Variants in KANK4 observed in about 807,000 individuals in gnomAD.
KANK4 encodes the protein KN motif and ankyrin repeat domains 4.
In KANK4, 50 loss-of-function variants were observed where a neutral mutation model predicts 80.8. That is an observed-to-expected ratio of 0.62 (90% CI 0.49 to 0.78). The LOEUF is 0.78. KANK4 is among the 30% of genes least tolerant of loss of function. KANK4 has a pLI of 0.00. For synonymous variants in KANK4, 465 were observed against 506.9 expected (o/e 0.92, Z 1.11); for missense variants, 1,196 against 1,240.1 (o/e 0.96, Z 0.53).
intron 7 of KANK4, among the ~76,000 whole-genome samples, chr1:62,262,579 A>T (rs779576333): frequency 1.3e-5 from 2 of 152,102 alleles, no homozygotes; most frequent in Non-Finnish European, 2.9e-5. Context: ...TATATATAAA[A>T]AATAAATATA....
At position 62,273,226 on chromosome 1, in the gene KANK4, G is replaced by T. The variant is rs1187855234; in HGVS notation, c.1878C>A (p.Ala626=). 4.6e-6 allele frequency: 7 copies of T among 1,515,242 alleles called. No homozygotes were observed. In the Admixed American group the frequency reaches 1.1e-4, roughly 24 times the overall value. The allele number at this position is 1,515,242 out of a possible 1,614,324, so 93.9% of individuals were successfully genotyped here. ...AQAHPPKEPP[A]SSSSPPVEIS... is the part of the protein sequence containing the mutation. ...TACCCACTGGCGGGGAGGAGGAGGA[G>T]GCCGGTGGCTCCTTGGGTGGGTGAG... The change falls in exon 3 of 10, where the codon GCC becomes GCA. Residue 626 remains alanine (A), a synonymous_variant. Transcript: ENST00000371153.
At chr1:62,268,144 A>G (rs1442999311) in intron 5 of KANK4, 143 bp downstream of exon 5, 4 of 711,082 alleles carry the variant, frequency 5.6e-6, no homozygotes, top group Non-Finnish European at 9.9e-6. Context: ...ACCAGTGCAC[A>G]GTGTGGGCAT....
chr1:62,314,551 C>G (rs1052442908), intron 1 of KANK4, among the ~76,000 whole-genome samples: 1 of 152,028 alleles, frequency 6.6e-6, no homozygotes, highest in African/African-American at 2.4e-5. Flanking sequence ...GCTCTTTTAT[C>G]CTTGTGTGGA....
intron 2 of KANK4, among the ~76,000 whole-genome samples, chr1:62,276,569 AG>A (rs1294833243): frequency 2.0e-5 from 3 of 152,136 alleles, no homozygotes; most frequent in African/African-American, 7.2e-5. Context: ...TGAGGTCAGG[AG>A]TTCGAGACCA....
At chr1:62,282,049 AT>A (rs1672462681) in intron 1 of KANK4, among the ~76,000 whole-genome samples, 2 of 152,178 alleles carry the variant, frequency 1.3e-5, no homozygotes, top group African/African-American at 4.8e-5. Context: ...GAAGGGACTT[AT>A]AATCCACTTT....
intron 2 of KANK4, among the ~76,000 whole-genome samples, chr1:62,277,984 T>G (rs190904505): frequency 6.6e-6 from 1 of 152,172 alleles, no homozygotes; most frequent in Admixed American, 6.5e-5. Flanking sequence ...ATGCAGCTGA[T>G]ATGGCCAGTA....
intron 7 of KANK4, among the ~76,000 whole-genome samples, chr1:62,258,083 G>A (rs1431564569): frequency 2.0e-5 from 3 of 152,216 alleles, no homozygotes; most frequent in Non-Finnish European, 2.9e-5. Flanking sequence ...GAGACTGATC[G>A]ATCTTGGTTT....
chr1:62,311,042 A>C (rs1644493567), intron 1 of KANK4, among the ~76,000 whole-genome samples: 1 of 152,022 alleles, frequency 6.6e-6, no homozygotes, highest in Non-Finnish European at 1.5e-5. Flanking sequence ...AGGGGAAGGA[A>C]CTGGCGTGAG....
chr1:62,304,912 G>A (rs553004374), intron 1 of KANK4, among the ~76,000 whole-genome samples: 1 of 152,180 alleles, frequency 6.6e-6, no homozygotes, highest in South Asian at 2.1e-4. Flanking sequence ...TACCACTACT[G>A]TCCTAAGTCT....
At chr1:62,257,046 C>G (rs1329743159) in intron 7 of KANK4, among the ~76,000 whole-genome samples, 2 of 152,092 alleles carry the variant, frequency 1.3e-5, no homozygotes, top group Admixed American at 6.6e-5. Context: ...CTCAGGGGCT[C>G]AGGAAAGGGA....
intron 1 of KANK4, among the ~76,000 whole-genome samples, chr1:62,290,419 C>T (rs1384514882): frequency 6.6e-6 from 1 of 152,158 alleles, no homozygotes; most frequent in Non-Finnish European, 1.5e-5. Flanking sequence ...TAAGACAGGC[C>T]AGGTTCAAAT....
At chr1:62,244,385 AG>A (rs1203788465) in intron 9 of KANK4, among the ~76,000 whole-genome samples, 1 of 151,816 alleles carries the variant, frequency 6.6e-6, no homozygotes, top group Non-Finnish European at 1.5e-5. Context: ...TTCTGTAGAG[AG>A]GGGGTGATAT....
Position 62,274,699 on chromosome 1 carries a change from C to T in KANK4, c.405G>A (p.Glu135=), listed in dbSNP as rs1557490493. ...VSYHRKALLA[E]ATRQLEAAEP... ...CAGCAGCTTCCAACTGTCTGGTGGC[C>T]TCTGCCAACAGAGCCTTCCTGTGGT... The change falls in exon 3 of 10, where the codon GAG becomes GAA. Residue 135 remains glutamate (E), a synonymous_variant. Transcript: ENST00000371153. 6.2e-7 allele frequency: 1 copy of T among 1,614,200 alleles called. No individual in the cohort carries two copies. Among genetic ancestry groups the T allele is most frequent in the East Asian group, 2.2e-5 (1 of 44,874 alleles).
chr1:62,273,101 T>C, intron 3 of KANK4, 103 bp downstream of exon 3: 1 of 873,716 alleles, frequency 1.1e-6, no homozygotes, highest in Non-Finnish European at 1.7e-6. Flanking sequence ...GCTAAAATCT[T>C]TTTAAAAACA....
Position 62,238,161 on chromosome 1 carries a change from T to C in KANK4, c.*116A>G, listed in dbSNP as rs779338939. On this transcript the variant is annotated 3_prime_UTR_variant, in exon 10 of 10. Coordinates refer to ENST00000371153, the MANE Select transcript of KANK4 (RefSeq NM_181712.5). The stretch of plus-strand genomic sequence containing the variant: ...CAGGAATGTATGTGCATATTTGACA[T>C]AGTTTCTTCTCTAGAAGGGTGGCTC... The C allele has an allele frequency of 6.2e-6, 4 of 648,410 alleles. No homozygotes were observed. The highest frequency in any genetic ancestry group is 1.8e-5 in the African/African-American group (1 of 54,836). The allele number at this position is 648,410 out of a possible 1,614,324, so 40.2% of individuals were successfully genotyped here. A position where few individuals can be genotyped will look rare whatever the true frequency, so the allele number is the denominator to read the frequency against.
chr1:62,273,134 G>T (rs1672204309), intron 3 of KANK4, 70 bp downstream of exon 3: 1 of 1,106,914 alleles, frequency 9.0e-7, no homozygotes, highest in Non-Finnish European at 1.3e-6. Flanking sequence ...TGAAAACCTT[G>T]TTCCCTCTGC....
chr1:62,283,758 A>G (rs1295279823), intron 1 of KANK4, among the ~76,000 whole-genome samples: 1 of 151,618 alleles, frequency 6.6e-6, no homozygotes, highest in East Asian at 1.9e-4. Flanking sequence ...GGCTTCACAA[A>G]CTCTCATCAT....
intron 4 of KANK4, among the ~76,000 whole-genome samples, chr1:62,269,979 C>T (rs1484841377): frequency 1.3e-5 from 2 of 152,192 alleles, no homozygotes; most frequent in African/African-American, 2.4e-5. Flanking sequence ...TTTAAAAGCT[C>T]CCCTGGTGTT....
chr1:62,248,096 C>G (rs1048174696), intron 8 of KANK4, among the ~76,000 whole-genome samples: 2 of 152,090 alleles, frequency 1.3e-5, no homozygotes, highest in African/African-American at 4.8e-5. Flanking sequence ...CTTCTTACTG[C>G]CTGCCCCAGC....
Sources: gnomAD v4.1 joint callset for allele counts (sites outside exome capture counted in the v4.1 genomes callset) on GRCh38, gnomAD v4.1.1 for gene constraint, MANE v1.5 for transcripts, NCBI Gene and HGNC (gene_info 2026-07-23, HGNC 2026-07-21) for gene names.